CTNNAL1: variants seen among roughly 807,000 people sequenced by gnomAD.
CTNNAL1 encodes catenin alpha like 1, also known as alpha-catulin.
Under a neutral mutation model 93.6 loss-of-function variants are expected in CTNNAL1, and 69 were observed. That is an observed-to-expected ratio of 0.74 (90% CI 0.61 to 0.90). CTNNAL1 has a LOEUF of 0.90. CTNNAL1 is among the 40% of genes least tolerant of loss of function. The pLI, the probability that CTNNAL1 is intolerant of heterozygous loss-of-function variation, is 0.00. For synonymous variants in CTNNAL1, 286 were observed against 305.4 expected (o/e 0.94, Z 0.66); for missense variants, 836 against 862.0 (o/e 0.97, Z 0.38).
At position 109,013,496 on chromosome 9, in the gene CTNNAL1, A is replaced by C. The variant is rs1827285704; in HGVS notation, c.-54T>G. 7 of 1,309,370 alleles carry C rather than the reference A, an allele frequency of 5.3e-6. No individual in the cohort carries two copies. The highest frequency in any genetic ancestry group is 3.2e-5 in the East Asian group (1 of 31,624). 81.1% of individuals were successfully genotyped at this position (1,309,370 alleles called of 1,614,324 possible). A position where few individuals can be genotyped will look rare whatever the true frequency, so the allele number is the denominator to read the frequency against. ...TCCGCGCCGCGGCGAGCCTGCCGCC[A>C]GTCAGCCCACCCGCCCGAGGCGGCG... On this transcript the variant is annotated 5_prime_UTR_variant, in exon 1 of 19. Transcript: ENST00000325551.
At chr9:108,972,631 A>C (rs1831146251) in intron 9 of CTNNAL1, 44 bp downstream of exon 9, 1 of 1,479,446 alleles carries the variant, frequency 6.8e-7, no homozygotes, top group Non-Finnish European at 9.3e-7. Context: ...AGTTTAATAA[A>C]GCCATTATTA....
Position 108,984,336 on chromosome 9 carries a change from A to T in CTNNAL1, c.729+11T>A. The T allele has an allele frequency of 6.5e-7, 1 of 1,540,754 alleles. No homozygotes were observed. The highest frequency in any genetic ancestry group is 2.2e-5 in the East Asian group (1 of 44,492). ...TTAATTTATTACACAGTAAAACCAAAATTGTCTTACCTTTGAAGCTGTGAG... is the reference window on the plus strand; with the variant it reads ...TTAATTTATTACACAGTAAAACCAATATTGTCTTACCTTTGAAGCTGTGAG... On this transcript the variant is annotated intron_variant, in intron 5 of 18. Coordinates refer to ENST00000325551, the MANE Select transcript of CTNNAL1 (RefSeq NM_003798.4).
intron 1 of CTNNAL1, among the ~76,000 whole-genome samples, chr9:109,004,798 T>TA: frequency 6.6e-6 from 1 of 151,362 alleles, no homozygotes; most frequent in South Asian, 2.1e-4. Flanking sequence ...AAAAAATAAA[T>TA]AAATAAATAA....
At chr9:108,947,553 C>A (rs1301888642) in intron 15 of CTNNAL1, among the ~76,000 whole-genome samples, 1 of 152,144 alleles carries the variant, frequency 6.6e-6, no homozygotes, top group African/African-American at 2.4e-5. Context: ...ACATGGGGAT[C>A]AGGGAAAACA....
At chr9:109,003,731 A>G (rs1826924485) in intron 1 of CTNNAL1, among the ~76,000 whole-genome samples, 1 of 152,198 alleles carries the variant, frequency 6.6e-6, no homozygotes, top group African/African-American at 2.4e-5. Flanking sequence ...ACACTTAAGG[A>G]ACTACTACAT....
chr9:108,991,206 G>A (rs1831790239), intron 3 of CTNNAL1, among the ~76,000 whole-genome samples: 2 of 152,212 alleles, frequency 1.3e-5, no homozygotes, highest in Admixed American at 1.3e-4. Flanking sequence ...GGGAAGGGGT[G>A]AGGATGAAAG....
At chr9:109,001,615 A>T (rs1721622213) in intron 1 of CTNNAL1, among the ~76,000 whole-genome samples, 1 of 152,216 alleles carries the variant, frequency 6.6e-6, no homozygotes, top group African/African-American at 2.4e-5. Context: ...AATGGAAGGC[A>T]CTCAAGCAAC....
At chr9:108,993,180 T>A (rs2132179950) in intron 2 of CTNNAL1, among the ~76,000 whole-genome samples, 1 of 152,272 alleles carries the variant, frequency 6.6e-6, no homozygotes, top group South Asian at 2.1e-4. Context: ...ACCCGAGCAG[T>A]AAGCAGGTGC....
chr9:108,957,350 G>A (rs1321583333), intron 11 of CTNNAL1, among the ~76,000 whole-genome samples: 1 of 151,912 alleles, frequency 6.6e-6, no homozygotes, highest in Admixed American at 6.6e-5. Context: ...AACTCCTTGG[G>A]CTCAAGTGAT....
chr9:108,986,522 T>C (rs1391486082), intron 4 of CTNNAL1, among the ~76,000 whole-genome samples: 1 of 152,080 alleles, frequency 6.6e-6, no homozygotes, highest in African/African-American at 2.4e-5. Flanking sequence ...GCATGATTTA[T>C]AGTCGTTTGG....
At chr9:108,964,448 T>C (rs1454419670) in intron 11 of CTNNAL1, among the ~76,000 whole-genome samples, 2 of 152,036 alleles carry the variant, frequency 1.3e-5, no homozygotes, top group Admixed American at 1.3e-4. Context: ...AACATGTAAA[T>C]ATAAATAACA....
At chr9:108,988,242 C>G (rs1185444996) in intron 4 of CTNNAL1, among the ~76,000 whole-genome samples, 1 of 152,176 alleles carries the variant, frequency 6.6e-6, no homozygotes, top group African/African-American at 2.4e-5. Flanking sequence ...TGCCACCACA[C>G]TCAGCTAATT....
intron 2 of CTNNAL1, among the ~76,000 whole-genome samples, chr9:108,996,497 C>T (rs908964983): frequency 6.6e-6 from 1 of 152,130 alleles, no homozygotes; most frequent in Non-Finnish European, 1.5e-5. Flanking sequence ...ACATGTGGAG[C>T]CCATGAAACC....
intron 4 of CTNNAL1, among the ~76,000 whole-genome samples, chr9:108,988,720 T>C (rs1831691479): frequency 6.6e-6 from 1 of 152,226 alleles, no homozygotes; most frequent in South Asian, 2.1e-4. Context: ...TGCATGTTTC[T>C]GTTTTATTGT....
In CTNNAL1 at chr9:108,992,668, T is replaced by G. The variant is rs1243935255; in HGVS notation, c.483A>C (p.Arg161=). 6.2e-7 allele frequency: 1 copy of G among 1,613,760 alleles called. No homozygotes were observed. ...SVTKVLLLAD[R]VVIKQIITSR... ...ATGTTATTATCTGTTTAATGACTAC[T>G]CGGTCTGCCAGCAACAACACTTTTG... The change falls in exon 3 of 19, where the codon CGA becomes CGC. Residue 161 remains arginine (R), a synonymous_variant. Transcript: ENST00000325551.
At chr9:109,006,537 A>T (rs1446873401) in intron 1 of CTNNAL1, among the ~76,000 whole-genome samples, 2 of 152,224 alleles carry the variant, frequency 1.3e-5, no homozygotes, top group Admixed American at 6.5e-5. Flanking sequence ...AAATCATAAT[A>T]TGCCAAATAC....
At chr9:108,990,658 A>T in intron 4 of CTNNAL1, 68 bp downstream of exon 4, 1 of 1,532,598 alleles carries the variant, frequency 6.5e-7, no homozygotes, top group Non-Finnish European at 8.8e-7. Context: ...AATCCTAACG[A>T]TCATACCTCC....
chr9:108,999,209 T>G lies in CTNNAL1; in HGVS notation c.189A>C (p.Lys63Asn). The change falls in exon 2 of 19, where the codon AAA becomes AAC. Residue 63 changes from lysine to asparagine, a missense_variant. Transcript: ENST00000325551. Reference sequence around the variant, plus strand: ...CTACACGCTGAATTGCTTGCAGAGTTTTATCAGACTTTTTGGTATTATCTT... The same window carrying G: ...CTACACGCTGAATTGCTTGCAGAGTGTTATCAGACTTTTTGGTATTATCTT... The part of the protein sequence containing the change: ...NHKDNTKKSD[K>N]TLQAIQRVGQ... 1.2e-6 allele frequency: 2 copies of G among 1,610,818 alleles called. No individual in the cohort carries two copies.
chr9:108,948,251 T>C lies in CTNNAL1; in HGVS notation c.1836-17A>G. The C allele has an allele frequency of 6.2e-7, 1 of 1,607,198 alleles. No homozygotes were observed. Among genetic ancestry groups the C allele is most frequent in the African/African-American group, 1.3e-5 (1 of 74,748 alleles). On this transcript the variant is annotated splice_polypyrimidine_tract_variant and intron_variant, in intron 14 of 18. Transcript: ENST00000325551. ...CCCTCTCCTCTAAAATAAAATTAAT[T>C]GTTAAGAAGGTAACAAAAAGTTATT...
Sources: gnomAD v4.1 joint callset for allele counts (sites outside exome capture counted in the v4.1 genomes callset) on GRCh38, gnomAD v4.1.1 for gene constraint, MANE v1.5 for transcripts, NCBI Gene and HGNC (gene_info 2026-07-23, HGNC 2026-07-21) for gene names.